INSM2: variants seen among roughly 807,000 people sequenced by gnomAD.
The protein encoded by INSM2 is INSM transcriptional repressor 2, also known as insulinoma-associated protein 2.
Under a neutral mutation model 30.5 loss-of-function variants are expected in INSM2, and 12 were observed. The ratio of observed to expected loss-of-function variants is 0.39; its 90% confidence interval spans 0.25 to 0.64. The LOEUF is 0.64. INSM2 is among the 30% of genes least tolerant of loss of function. The pLI is 0.47. For synonymous variants in INSM2, 418 were observed against 383.7 expected (o/e 1.09, Z -1.05); for missense variants, 773 against 819.2 (o/e 0.94, Z 0.69).
In INSM2 at chr14:35,535,477, C is replaced by T. The variant is rs753835227; in HGVS notation, c.1225C>T (p.Arg409Cys). The T allele has an allele frequency of 2.7e-5, 43 of 1,613,034 alleles. No individual in the cohort carries two copies. The highest frequency in any genetic ancestry group is 3.4e-5 in the Non-Finnish European group (40 of 1,179,962). The change falls in exon 1 of 1, where the codon CGC (arginine) becomes TGC (cysteine). Residue 409 changes from arginine to cysteine, a missense_variant. Arg to Cys is a radical substitution (Grantham distance 180). Coordinates refer to ENST00000307169, the MANE Select transcript of INSM2 (RefSeq NM_032594.4). Reference sequence around the variant, plus strand: ...CCCCTACACGGAGGGGGTGTTGGGGCGCCGGGTACCTGTGCCGGGCAGTAC... The same window carrying T: ...CCCCTACACGGAGGGGGTGTTGGGGTGCCGGGTACCTGTGCCGGGCAGTAC... ...QGPYTEGVLG[R>C]RVPVPGSTSG...
chr14:35,535,320 C>A lies in INSM2; in HGVS notation c.1068C>A (p.Asn356Lys). 1 of 1,611,910 alleles carries A rather than the reference C, an allele frequency of 6.2e-7. No individual in the cohort carries two copies. The highest frequency in any genetic ancestry group is 8.5e-7 in the Non-Finnish European group (1 of 1,179,274). Reference protein sequence around the residue: ...IASFLAEGKENSRIERTADQH... With the variant: ...IASFLAEGKEKSRIERTADQH... The stretch of plus-strand genomic sequence containing the variant: ...CTTTTCTGGCGGAGGGAAAGGAGAA[C>A]AGCCGAATAGAGCGGACTGCGGATC... The change falls in exon 1 of 1, where the codon AAC becomes AAA. Residue 356 changes from asparagine (N) to lysine (K), a missense_variant. Physicochemically the swap from Asn to Lys is moderately conservative, Grantham distance 94. Coordinates refer to ENST00000307169, the MANE Select transcript of INSM2 (RefSeq NM_032594.4).
chr14:35,535,243 A>T lies in INSM2; in HGVS notation c.991A>T (p.Lys331Ter). The change falls in exon 1 of 1, where the codon AAG (lysine) becomes TAG (stop). Residue 331 changes from lysine (K) to a stop codon, truncating the protein, a stop_gained. Transcript: ENST00000307169. LOFTEE classifies it high-confidence loss of function. Reference protein sequence around the residue: ...NAATVSSADGKPPSSSSSSSR... With the variant: ...NAATVSSADG ...CGCCACAGTCTCCTCCGCCGACGGG[A>T]AGCCGCCTTCTTCGTCGTCTTCGTC... 1.2e-6 allele frequency: 2 copies of T among 1,613,500 alleles called. No homozygotes were observed. Among genetic ancestry groups the T allele is most frequent in the Non-Finnish European group, 1.7e-6 (2 of 1,179,940 alleles).
rs773022760 is a variant in INSM2, at chr14:35,534,793, C to T, written c.541C>T (p.Pro181Ser). The change falls in exon 1 of 1, where the codon CCT (proline) becomes TCT (serine). Residue 181 changes from proline to serine, a missense_variant. Pro to Ser is a moderately conservative substitution (Grantham distance 74, BLOSUM62 -1). Transcript: ENST00000307169. ...PFPEPALQPDPAPLSAALQSL... is the reference protein window; with the variant it reads ...PFPEPALQPDSAPLSAALQSL... Reference sequence around the variant, plus strand: ...CCCAGAGCCCGCGCTTCAGCCGGACCCTGCGCCCCTCTCGGCCGCCCTTCA... The same window carrying T: ...CCCAGAGCCCGCGCTTCAGCCGGACTCTGCGCCCCTCTCGGCCGCCCTTCA... 6.9e-7 allele frequency: 1 copy of T among 1,453,188 alleles called. No individual in the cohort carries two copies. The highest frequency in any genetic ancestry group is 9.0e-7 in the Non-Finnish European group (1 of 1,108,220). The allele number at this position is 1,453,188 out of a possible 1,614,324, so 90.0% of individuals were successfully genotyped here.
At position 35,534,998 on chromosome 14, in the gene INSM2, C is replaced by T; in HGVS notation, c.746C>T (p.Pro249Leu). 6.4e-7 allele frequency: 1 copy of T among 1,565,120 alleles called. No individual in the cohort carries two copies. The change falls in exon 1 of 1, where the codon CCG becomes CTG. Residue 249 changes from proline (P) to leucine (L), a missense_variant. By Grantham distance (98) the Pro-to-Leu change is moderately conservative (BLOSUM62 -3). Transcript: ENST00000307169. ...LKIKEEEPGA[P>L]SRGLGGSRTP... ...ATCAAGGAGGAGGAGCCCGGAGCGC[C>T]GTCCCGGGGCTTGGGGGGCAGCCGC...
At position 35,536,082 on chromosome 14, in the gene INSM2, C is replaced by A; in HGVS notation, c.*129C>A. On this transcript the variant is annotated 3_prime_UTR_variant, in exon 1 of 1. Coordinates refer to ENST00000307169, the MANE Select transcript of INSM2 (RefSeq NM_032594.4). ...CTATGTTTTAATCCCCTAAAATTCT[C>A]CCTGTAGTCAATGTTCCACCAGAGG... 8.5e-7 allele frequency: 1 copy of A among 1,175,762 alleles called. No homozygotes were observed. The highest frequency in any genetic ancestry group is 1.2e-6 in the Non-Finnish European group (1 of 830,668). The allele number at this position is 1,175,762 out of a possible 1,614,324, so 72.8% of individuals were successfully genotyped here.
chr14:35,535,007 G>T lies in INSM2; in HGVS notation c.755G>T (p.Gly252Val), dbSNP rs771975710. The T allele has an allele frequency of 6.4e-7, 1 of 1,572,874 alleles. No individual in the cohort carries two copies. Among genetic ancestry groups the T allele is most frequent in the Admixed American group, 1.8e-5 (1 of 54,418 alleles). Reference protein sequence around the residue: ...KEEEPGAPSRGLGGSRTPLGE... With the variant: ...KEEEPGAPSRVLGGSRTPLGE... ...GAGGAGCCCGGAGCGCCGTCCCGGGGCTTGGGGGGCAGCCGCACGCCACTG... is the reference window on the plus strand; with the variant it reads ...GAGGAGCCCGGAGCGCCGTCCCGGGTCTTGGGGGGCAGCCGCACGCCACTG... The change falls in exon 1 of 1, where the codon GGC (glycine) becomes GTC (valine). Residue 252 changes from glycine to valine, a missense_variant. Transcript: ENST00000307169.
Position 35,535,257 on chromosome 14 carries a change from G to A in INSM2, c.1005G>A (p.Ser335=), listed in dbSNP as rs746757298. ...CCGCCGACGGGAAGCCGCCTTCTTC[G>A]TCGTCTTCGTCCTCCCGGGACTCCG... ...VSSADGKPPS[S]SSSSSRDSGA... is the part of the protein sequence containing the mutation. The change falls in exon 1 of 1, where the codon TCG becomes TCA. Residue 335 remains serine, a synonymous_variant. Transcript: ENST00000307169. 45 of 1,613,520 alleles carry A rather than the reference G, an allele frequency of 2.8e-5. No homozygotes were observed. The highest frequency in any genetic ancestry group is 3.6e-5 in the Non-Finnish European group (43 of 1,179,946).
Position 35,535,014 on chromosome 14 carries a change from G to T in INSM2, c.762G>T (p.Gly254=). ...EEPGAPSRGL[G]GSRTPLGEFI... ...CCGGAGCGCCGTCCCGGGGCTTGGG[G>T]GGCAGCCGCACGCCACTGGGGGAGT... Residue 254 remains glycine (G), a synonymous_variant, in exon 1 of 1, where the codon GGG becomes GGT. Transcript: ENST00000307169. The T allele has an allele frequency of 6.4e-7, 1 of 1,574,314 alleles. No individual in the cohort carries two copies.
In INSM2 at chr14:35,536,207, C is replaced by A. The variant is rs1272837163; in HGVS notation, c.*254C>A. On this transcript the variant is annotated 3_prime_UTR_variant, in exon 1 of 1. Transcript: ENST00000307169. ...CAGCTTTAAATCCTTCTCACTTTCC[C>A]CACTAAAATAGGATTTTTCCCCTTA... The A allele has an allele frequency of 4.6e-6, 2 of 435,248 alleles. No homozygotes were observed. Among genetic ancestry groups the A allele is most frequent in the African/African-American group, 4.1e-5 (2 of 48,546 alleles). 27.0% of individuals were successfully genotyped at this position (435,248 alleles called of 1,614,324 possible). A position where few individuals can be genotyped will look rare whatever the true frequency, so the allele number is the denominator to read the frequency against.
chr14:35,534,347 A>AG lies in INSM2; in HGVS notation c.100dup (p.Ala34GlyfsTer197). On this transcript the variant is annotated frameshift_variant, in exon 1 of 1. Coordinates refer to ENST00000307169, the MANE Select transcript of INSM2 (RefSeq NM_032594.4). LOFTEE classifies it high-confidence loss of function. ...CGTGTCTTCCCTCTGCTGGGGCCCCAGGGGGCGCCGCCCTTCTTGGAGGAG... is the reference window on the plus strand; with the variant it reads ...CGTGTCTTCCCTCTGCTGGGGCCCCAGGGGGGCGCCGCCCTTCTTGGAGGAG... 1 of 1,580,400 alleles carries AG rather than the reference A, an allele frequency of 6.3e-7. No individual in the cohort carries two copies.
At position 35,535,722 on chromosome 14, in the gene INSM2, G is replaced by A; in HGVS notation, c.1470G>A (p.Leu490=). Residue 490 remains leucine (L), a synonymous_variant, in exon 1 of 1, where the codon CTG becomes CTA. Transcript: ENST00000307169. ...PTADIREKHR[L]WHAVREELLL... ...CAGATATCAGGGAGAAGCACCGGCT[G>A]TGGCATGCTGTCCGCGAGGAGCTGC... The A allele has an allele frequency of 6.2e-7, 1 of 1,613,392 alleles. No homozygotes were observed. The highest frequency in any genetic ancestry group is 1.3e-5 in the African/African-American group (1 of 75,084).
chr14:35,535,778 A>C lies in INSM2; in HGVS notation c.1526A>C (p.Glu509Ala). Reference sequence around the variant, plus strand: ...CCCGCTCTGGCGGGGGCTCCTCCCGAAACGTCGGGCCCTAGCGGGCCATCT... The same window carrying C: ...CCCGCTCTGGCGGGGGCTCCTCCCGCAACGTCGGGCCCTAGCGGGCCATCT... ...LLPALAGAPP[E>A]TSGPSGPSDG... The change falls in exon 1 of 1, where the codon GAA becomes GCA. Residue 509 changes from glutamate (E) to alanine (A), a missense_variant. Coordinates refer to ENST00000307169, the MANE Select transcript of INSM2 (RefSeq NM_032594.4). The C allele has an allele frequency of 6.2e-7, 1 of 1,613,370 alleles. No homozygotes were observed. Among genetic ancestry groups the C allele is most frequent in the Non-Finnish European group, 8.5e-7 (1 of 1,179,910 alleles).
chr14:35,534,276 G>A lies in INSM2; in HGVS notation c.24G>A (p.Lys8=). 6.3e-7 allele frequency: 1 copy of A among 1,595,886 alleles called. No homozygotes were observed. Among genetic ancestry groups the A allele is most frequent in the Non-Finnish European group, 8.5e-7 (1 of 1,171,930 alleles). ...CCATGCCAAGGGGATTCCTGGTGAA[G>A]CGAACTAAACGGACAGGCGGCTTGT... The part of the protein sequence containing the change: MPRGFLV[K]RTKRTGGLYR... Residue 8 remains lysine (K), a synonymous_variant, in exon 1 of 1, where the codon AAG becomes AAA. Transcript: ENST00000307169.
In INSM2 at chr14:35,534,485, G is replaced by A. The variant is rs2053579517; in HGVS notation, c.233G>A (p.Arg78Gln). 1 of 1,435,838 alleles carries A rather than the reference G, an allele frequency of 7.0e-7. No homozygotes were observed. Among genetic ancestry groups the A allele is most frequent in the African/African-American group, 1.5e-5 (1 of 66,524 alleles). The allele number at this position is 1,435,838 out of a possible 1,614,324, so 88.9% of individuals were successfully genotyped here. The change falls in exon 1 of 1, where the codon CGG becomes CAG. Residue 78 changes from arginine (R) to glutamine (Q), a missense_variant. Arg to Gln is a conservative substitution (Grantham distance 43). Coordinates refer to ENST00000307169, the MANE Select transcript of INSM2 (RefSeq NM_032594.4). ...AAREQSGSPCRAAGVSPGTGG... is the reference protein window; with the variant it reads ...AAREQSGSPCQAAGVSPGTGG... ...CGGGAACAGTCGGGGTCGCCATGTCGGGCGGCTGGGGTGAGCCCGGGGACG... is the reference window on the plus strand; with the variant it reads ...CGGGAACAGTCGGGGTCGCCATGTCAGGCGGCTGGGGTGAGCCCGGGGACG...
chr14:35,534,469 T>C lies in INSM2; in HGVS notation c.217T>C (p.Ser73Pro). 1 of 1,453,020 alleles carries C rather than the reference T, an allele frequency of 6.9e-7. No individual in the cohort carries two copies. The highest frequency in any genetic ancestry group is 9.0e-7 in the Non-Finnish European group (1 of 1,108,058). 90.0% of individuals were successfully genotyped at this position (1,453,020 alleles called of 1,614,324 possible). A position where few individuals can be genotyped will look rare whatever the true frequency, so the allele number is the denominator to read the frequency against. The change falls in exon 1 of 1, where the codon TCG becomes CCG. Residue 73 changes from serine to proline, a missense_variant. By Grantham distance (74) the Ser-to-Pro change is moderately conservative. Transcript: ENST00000307169. ...GACGGCGGAGGCGGCCCGGGAACAG[T>C]CGGGGTCGCCATGTCGGGCGGCTGG... ...GLTAEAAREQ[S>P]GSPCRAAGVS... is the part of the protein sequence containing the mutation.
rs1437630469 is a variant in INSM2, at chr14:35,536,860, C to T, written c.*907C>T. On this transcript the variant is annotated 3_prime_UTR_variant, in exon 1 of 1. Transcript: ENST00000307169. ...TTAACACCTGTAATCCACTAAGGAA[C>T]TGAATGGCAATTTGCTCAATATTCA... 2.4e-5 allele frequency: 4 copies of T among 167,072 alleles called. No individual in the cohort carries two copies. Among genetic ancestry groups the T allele is most frequent in the Non-Finnish European group, 5.9e-5 (4 of 68,134 alleles). 10.3% of individuals were successfully genotyped at this position (167,072 alleles called of 1,614,324 possible).
At position 35,534,886 on chromosome 14, in the gene INSM2, G is replaced by A. The variant is rs770818736; in HGVS notation, c.634G>A (p.Ala212Thr). The change falls in exon 1 of 1, where the codon GCG becomes ACG. Residue 212 changes from alanine to threonine, a missense_variant. Coordinates refer to ENST00000307169, the MANE Select transcript of INSM2 (RefSeq NM_032594.4). ...KAPTDCASGP[A>T]AAGIKKPKAM... ...ACCCACGGACTGCGCGTCTGGACCC[G>A]CGGCCGCGGGAATCAAGAAGCCAAA... The A allele has an allele frequency of 7.6e-6, 12 of 1,588,014 alleles. No individual in the cohort carries two copies. The highest frequency in any genetic ancestry group is 1.0e-5 in the Non-Finnish European group (12 of 1,170,924).
rs2138913736 is a variant in INSM2 at position 35,535,538 on chromosome 14, C to T, written c.1286C>T (p.Pro429Leu). ...GGRGSEIFVC[P>L]YCHKKFRRQA... ...AGGGGATCCGAGATTTTCGTGTGCCCATATTGCCACAAAAAGTTTCGTCGC... is the reference window on the plus strand; with the variant it reads ...AGGGGATCCGAGATTTTCGTGTGCCTATATTGCCACAAAAAGTTTCGTCGC... The change falls in exon 1 of 1, where the codon CCA (proline) becomes CTA (leucine). Residue 429 changes from proline to leucine, a missense_variant. Physicochemically the swap from Pro to Leu is moderately conservative, Grantham distance 98 (BLOSUM62 -3). Transcript: ENST00000307169. 1 of 1,613,292 alleles carries T rather than the reference C, an allele frequency of 6.2e-7. No homozygotes were observed. The highest frequency in any genetic ancestry group is 1.6e-4 in the Middle Eastern group (1 of 6,062).
chr14:35,534,357 G>A lies in INSM2; in HGVS notation c.105G>A (p.Pro35=), dbSNP rs751143766. The change falls in exon 1 of 1, where the codon CCG becomes CCA. Residue 35 remains proline (P), a synonymous_variant. Coordinates refer to ENST00000307169, the MANE Select transcript of INSM2 (RefSeq NM_032594.4). ...VFPLLGPQGA[P]PFLEEAPSAS... is the part of the protein sequence containing the mutation. The stretch of plus-strand genomic sequence containing the variant: ...CTCTGCTGGGGCCCCAGGGGGCGCC[G>A]CCCTTCTTGGAGGAGGCTCCCAGCG... The A allele has an allele frequency of 2.5e-6, 4 of 1,573,900 alleles. No homozygotes were observed. Among genetic ancestry groups the A allele is most frequent in the South Asian group, 2.3e-5 (2 of 87,496 alleles).
Sources: allele counts gnomAD v4.1 joint callset, GRCh38; gene constraint gnomAD v4.1.1; transcripts MANE v1.5; gene names NCBI Gene and HGNC (gene_info 2026-07-23, HGNC 2026-07-21).